ADAMTS14: variants seen among roughly 807,000 people sequenced by gnomAD.
ADAMTS14 encodes ADAM metallopeptidase with thrombospondin type 1 motif 14.
ADAMTS14 carries 100 observed loss-of-function variants against 128.6 expected under a neutral mutation model. The ratio of observed to expected loss-of-function variants is 0.78; its 90% CI spans 0.66 to 0.92. The LOEUF is 0.92. Among genes scored for constraint, ADAMTS14 ranks in the 40% least tolerant of loss-of-function variants. ADAMTS14 has a pLI of 0.00. For missense variants in ADAMTS14, 1,562 were observed against 1,658.6 expected (o/e 0.94, Z 1.01); for synonymous variants, 665 against 653.8 (o/e 1.02, Z -0.26).
chr10:70,732,450 C>A, intron 7 of ADAMTS14, 91 bp downstream of exon 7: 3 of 1,227,668 alleles, frequency 2.4e-6, no homozygotes, highest in South Asian at 1.4e-5. Flanking sequence ...CCCAGCTTGG[C>A]CTGGTTCCAG....
At chr10:70,697,359 GC>G (rs1840359787) in intron 2 of ADAMTS14, among the ~76,000 whole-genome samples, 2 of 152,194 alleles carry the variant, frequency 1.3e-5, no homozygotes, top group Admixed American at 6.5e-5. Context: ...TCTCCTGAGA[GC>G]CAAGCCACTT....
At chr10:70,732,475 T>A (rs1841677365) in intron 7 of ADAMTS14, 116 bp downstream of exon 7, 2 of 920,138 alleles carry the variant, frequency 2.2e-6, no homozygotes, top group African/African-American at 3.3e-5. Flanking sequence ...CTGGGAGGTG[T>A]CAGAGGAGCT....
chr10:70,735,375 T>A, intron 9 of ADAMTS14, 74 bp downstream of exon 9: 3 of 1,556,560 alleles, frequency 1.9e-6, no homozygotes, highest in Non-Finnish European at 1.7e-6. Context: ...TGCTGACCAT[T>A]CATGAGGTGC....
intron 21 of ADAMTS14, among the ~76,000 whole-genome samples, chr10:70,759,004 A>T (rs1465018060): frequency 3.3e-5 from 5 of 152,104 alleles, no homozygotes; most frequent in Admixed American, 6.5e-5. Context: ...AAGATCAAAG[A>T]CCCTAACTCC....
At chr10:70,686,949 C>T (rs1839983380) in intron 2 of ADAMTS14, among the ~76,000 whole-genome samples, 1 of 98,122 alleles carries the variant, frequency 1.0e-5, no homozygotes, top group East Asian at 4.8e-4. Flanking sequence ...CCACCTCCCT[C>T]CCGGACGGGG....
At chr10:70,697,985 A>G (rs551583585) in intron 2 of ADAMTS14, among the ~76,000 whole-genome samples, 4 of 152,322 alleles carry the variant, frequency 2.6e-5, no homozygotes, top group Non-Finnish European at 5.9e-5. Context: ...CATTAAAGGG[A>G]GTTTAGCCCA....
chr10:70,751,978 G>T lies in ADAMTS14; in HGVS notation c.2597-117G>T, dbSNP rs980218005. 19 of 1,437,278 alleles carry T rather than the reference G, an allele frequency of 1.3e-5. No homozygotes were observed. In the Admixed American group the frequency reaches 1.6e-4, roughly 12 times the overall value. The allele number at this position is 1,437,278 out of a possible 1,614,324, so 89.0% of individuals were successfully genotyped here. On this transcript the variant is annotated intron_variant, in intron 17 of 21. Coordinates refer to ENST00000373207, the MANE Select transcript of ADAMTS14 (RefSeq NM_080722.4). ...AGTGACGTGGGCAGGCGGGGGCATA[G>T]GCAGAGGGAGGTGGGATTGGCCCAC...
At chr10:70,717,384 C>T (rs571143781) in intron 4 of ADAMTS14, among the ~76,000 whole-genome samples, 51 of 152,134 alleles carry the variant, frequency 3.4e-4, no homozygotes, top group African/African-American at 1.2e-3. Flanking sequence ...CGGCAGACAG[C>T]ACAGCAAGGT....
chr10:70,674,702 C>T lies in ADAMTS14; in HGVS notation c.229C>T (p.Pro77Ser). The T allele has an allele frequency of 1.2e-6, 2 of 1,613,588 alleles. No individual in the cohort carries two copies. Among genetic ancestry groups the T allele is most frequent in the Middle Eastern group, 1.6e-4 (1 of 6,062 alleles). Residue 77 changes from proline to serine, a missense_variant, in exon 2 of 22, where the codon CCA (proline) becomes TCA (serine). Transcript: ENST00000373207. The stretch of plus-strand genomic sequence containing the variant: ...GGTAGTGGACACGCCACCCACACTA[C>T]CACGACACTCCAGTCACCTCCGGGT... ...SMVVDTPPTL[P>S]RHSSHLRVAR...
In ADAMTS14 at chr10:70,717,375, G is replaced by A. The variant is rs150901597; in HGVS notation, c.870+8597G>A. ...GAGGGGAGGGCATGTGGGCCAGGGC[G>A]GCAGACAGCACAGCAAGGTTGTGGG... On this transcript the variant is annotated intron_variant, in intron 4 of 21. Coordinates refer to ENST00000373207, the MANE Select transcript of ADAMTS14 (RefSeq NM_080722.4). Among the ~76,000 whole-genome samples the A allele has an allele frequency of 2.3e-4, 35 of 152,236 alleles. No homozygotes were observed. In the East Asian group the frequency reaches 6.2e-3, roughly 27 times the overall value.
At chr10:70,675,585 C>T (rs1236298636) in intron 2 of ADAMTS14, among the ~76,000 whole-genome samples, 2 of 152,176 alleles carry the variant, frequency 1.3e-5, no homozygotes, top group Non-Finnish European at 2.9e-5. Context: ...GTCTCTCCTC[C>T]CAGAGCCAGC....
chr10:70,708,235 G>C (rs938860603), intron 3 of ADAMTS14, among the ~76,000 whole-genome samples: 1 of 152,124 alleles, frequency 6.6e-6, no homozygotes, highest in Non-Finnish European at 1.5e-5. Context: ...AGAGATAAAG[G>C]GTGGTTCATC....
chr10:70,744,267 G>C, intron 14 of ADAMTS14, 78 bp downstream of exon 14: 2 of 1,444,914 alleles, frequency 1.4e-6, no homozygotes, highest in Non-Finnish European at 1.8e-6. Context: ...CTCCCTCCTT[G>C]AACTGTGCCA....
At chr10:70,748,860 G>T (rs771546682) in intron 15 of ADAMTS14, among the ~76,000 whole-genome samples, 2 of 152,186 alleles carry the variant, frequency 1.3e-5, no homozygotes, top group Non-Finnish European at 2.9e-5. Flanking sequence ...CTTGGCTAAG[G>T]TGCTTGGGTC....
At chr10:70,732,471 G>A in intron 7 of ADAMTS14, 112 bp downstream of exon 7, 1 of 943,802 alleles carries the variant, frequency 1.1e-6, no homozygotes, top group Admixed American at 2.3e-5. Flanking sequence ...TGTCCTGGGA[G>A]GTGTCAGAGG....
At chr10:70,750,322 G>A (rs2541228) in intron 16 of ADAMTS14, among the ~76,000 whole-genome samples, 122,201 of 152,140 alleles carry the variant, frequency 0.8, 49,954 homozygotes, top group East Asian at 1. Context: ...TGTGTGCATC[G>A]TAGCATGGCT....
intron 4 of ADAMTS14, among the ~76,000 whole-genome samples, chr10:70,727,332 G>C (rs1041930255): frequency 2.0e-5 from 3 of 152,216 alleles, no homozygotes; most frequent in Non-Finnish European, 4.4e-5. Flanking sequence ...ACTCTTCTCC[G>C]TGTGGTGGAC....
intron 4 of ADAMTS14, among the ~76,000 whole-genome samples, chr10:70,712,621 T>C (rs145194931): frequency 6.6e-6 from 1 of 152,206 alleles, no homozygotes; most frequent in Non-Finnish European, 1.5e-5. Flanking sequence ...GTTTAGCCTC[T>C]GCCAGAGAAG....
rs757443133 is a variant in ADAMTS14, at chr10:70,758,078, G to A, written c.3054G>A (p.Leu1018=). 6.2e-7 allele frequency: 1 copy of A among 1,610,376 alleles called. No homozygotes were observed. Among genetic ancestry groups the A allele is most frequent in the Non-Finnish European group, 8.5e-7 (1 of 1,177,242 alleles). The part of the protein sequence containing the change: ...DRPDTVQVCS[L]PACGGNHQNS... ...CAGACACTGTCCAGGTCTGCAGCCT[G>A]CCCGCCTGTGGAGGTGAGCCAGAGG... The change falls in exon 20 of 22, where the codon CTG becomes CTA. Residue 1018 remains leucine, a synonymous_variant. Coordinates refer to ENST00000373207, the MANE Select transcript of ADAMTS14 (RefSeq NM_080722.4).
Sources: allele counts gnomAD v4.1 joint callset (sites outside exome capture counted in the v4.1 genomes callset), GRCh38; gene constraint gnomAD v4.1.1; transcripts MANE v1.5; gene names NCBI Gene and HGNC (gene_info 2026-07-23, HGNC 2026-07-21).